The following GALNT13 variants were observed in gnomAD, a reference collection of about 807,000 sequenced individuals.
The protein encoded by GALNT13 is UDP-GalNAc:polypeptide N-acetylgalactosaminyltransferase 13.
In GALNT13, 28 loss-of-function variants were observed where a neutral mutation model predicts 64.2. That is an observed-to-expected ratio of 0.44 (90% CI 0.32 to 0.60). The LOEUF (loss-of-function observed/expected upper bound fraction) is 0.60, where lower values mean the gene tolerates loss of function less well. GALNT13 is among the 20% of genes least tolerant of loss of function. The pLI, the probability that GALNT13 is intolerant of heterozygous loss-of-function variation, is 0.05. For missense variants in GALNT13, 577 were observed against 669.8 expected (o/e 0.86, Z 1.53); for synonymous variants, 214 against 224.6 (o/e 0.95, Z 0.42).
chr2:153,168,881 G>C, the GALNT13 span, among the ~76,000 whole-genome samples: 4 of 151,960 alleles, frequency 2.6e-5, no homozygotes, highest in Non-Finnish European at 5.9e-5. Flanking sequence ...GTTTTTTCCT[G>C]TGCTTCCAGA....
chr2:153,957,617 T>C (rs1434935470), intron 3 of GALNT13, among the ~76,000 whole-genome samples: 1 of 152,238 alleles, frequency 6.6e-6, no homozygotes. Context: ...GCACTGATTC[T>C]GGCCCAGGGG....
chr2:153,414,788 T>A, the GALNT13 span, among the ~76,000 whole-genome samples: 1 of 152,182 alleles, frequency 6.6e-6, no homozygotes, highest in African/African-American at 2.4e-5. Context: ...GAAAATATAC[T>A]CCTATTCTCA....
intron 4 of GALNT13, among the ~76,000 whole-genome samples, chr2:154,161,564 G>T (rs937772657): frequency 6.6e-6 from 1 of 152,052 alleles, no homozygotes; most frequent in Non-Finnish European, 1.5e-5. Context: ...GAGTAGCATC[G>T]GAGAGTAAGG....
At chr2:153,093,360 T>C in the GALNT13 span, among the ~76,000 whole-genome samples, 9 of 150,450 alleles carry the variant, frequency 6.0e-5, no homozygotes, top group African/African-American at 2.2e-4. Flanking sequence ...TACCTCAGCC[T>C]CTCGAGTAGC....
chr2:153,169,276 G>T, the GALNT13 span, among the ~76,000 whole-genome samples: 2 of 152,298 alleles, frequency 1.3e-5, no homozygotes, highest in African/African-American at 4.8e-5. Context: ...AAAACTGGTA[G>T]AGTGTCAAAA....
chr2:154,259,813 G>A (rs955625818), intron 8 of GALNT13, among the ~76,000 whole-genome samples: 1 of 152,050 alleles, frequency 6.6e-6, no homozygotes, highest in Non-Finnish European at 1.5e-5. Context: ...TAGTGGTTTT[G>A]TTTTTCAAAT....
the GALNT13 span, among the ~76,000 whole-genome samples, chr2:153,401,592 T>G: frequency 2.0e-5 from 3 of 151,142 alleles, no homozygotes; most frequent in Non-Finnish European, 4.4e-5. Flanking sequence ...AGGACTTGCT[T>G]TATGAATCTG....
the GALNT13 span, among the ~76,000 whole-genome samples, chr2:153,216,330 G>A: frequency 6.6e-6 from 1 of 151,974 alleles, no homozygotes; most frequent in Non-Finnish European, 1.5e-5. Context: ...ATACCTATGA[G>A]TAGGATTGCT....
chr2:153,299,985 C>G, the GALNT13 span, among the ~76,000 whole-genome samples: 1 of 152,166 alleles, frequency 6.6e-6, no homozygotes, highest in Non-Finnish European at 1.5e-5. Context: ...ACCGGTAGGT[C>G]TCAAATTGAG....
chr2:153,964,265 A>G (rs1384118414), intron 3 of GALNT13, among the ~76,000 whole-genome samples: 2 of 152,204 alleles, frequency 1.3e-5, no homozygotes, highest in Admixed American at 6.5e-5. Context: ...CCTGGGCAAC[A>G]TGGCGAAAAG....
At chr2:154,311,528 G>T (rs1291979451) in intron 9 of GALNT13, among the ~76,000 whole-genome samples, 1 of 152,144 alleles carries the variant, frequency 6.6e-6, no homozygotes, top group East Asian at 1.9e-4. Context: ...GGCAAGTGGA[G>T]ACAGGGCGAG....
chr2:154,296,017 T>C (rs1692902897), intron 8 of GALNT13, among the ~76,000 whole-genome samples: 1 of 152,198 alleles, frequency 6.6e-6, no homozygotes, highest in South Asian at 2.1e-4. Flanking sequence ...CAAGGGCCTT[T>C]TGGAGAGGAA....
At chr2:154,271,435 G>A (rs1691349528) in intron 8 of GALNT13, among the ~76,000 whole-genome samples, 1 of 151,910 alleles carries the variant, frequency 6.6e-6, no homozygotes, top group Non-Finnish European at 1.5e-5. Flanking sequence ...AAATCCTAGA[G>A]TTATGAGAAG....
At chr2:154,337,306 A>G (rs1695508808) in intron 9 of GALNT13, among the ~76,000 whole-genome samples, 1 of 152,106 alleles carries the variant, frequency 6.6e-6, no homozygotes, top group African/African-American at 2.4e-5. Context: ...CCTTTCTAAA[A>G]AGTACTTATG....
the GALNT13 span, among the ~76,000 whole-genome samples, chr2:153,275,502 C>A: frequency 3.9e-5 from 6 of 152,268 alleles, no homozygotes; most frequent in Admixed American, 3.9e-4. Context: ...AAGGCCCTCA[C>A]TAGATGCTAG....
chr2:153,849,838 A>G, the GALNT13 span, among the ~76,000 whole-genome samples: 1 of 151,998 alleles, frequency 6.6e-6, no homozygotes, highest in Non-Finnish European at 1.5e-5. Context: ...ATATGTGGCT[A>G]AGAAACTATC....
At chr2:153,453,619 G>A in the GALNT13 span, among the ~76,000 whole-genome samples, 1 of 152,144 alleles carries the variant, frequency 6.6e-6, no homozygotes, top group Non-Finnish European at 1.5e-5. Flanking sequence ...AACAACAGCA[G>A]ATGCTGGTAA....
chr2:154,205,439 G>GA (rs904407200), intron 4 of GALNT13, among the ~76,000 whole-genome samples: 2 of 151,984 alleles, frequency 1.3e-5, no homozygotes, highest in East Asian at 1.9e-4. Context: ...ACATTTAGTA[G>GA]AAAAAAAGAT....
the GALNT13 span, among the ~76,000 whole-genome samples, chr2:153,716,586 C>T: frequency 1.3e-5 from 2 of 152,134 alleles, no homozygotes; most frequent in African/African-American, 4.8e-5. Flanking sequence ...GAATTGCACA[C>T]ATCTCAGATT....
Sources: gnomAD v4.1 joint callset for allele counts (sites outside exome capture counted in the v4.1 genomes callset) on GRCh38, gnomAD v4.1.1 for gene constraint, MANE v1.5 for transcripts, NCBI Gene and HGNC (gene_info 2026-07-23, HGNC 2026-07-21) for gene names.